Variants in DPYSL3 observed in about 807,000 individuals in gnomAD.
DPYSL3 encodes the protein dihydropyrimidinase like 3.
A neutral mutation model predicts 66.1 loss-of-function variants in DPYSL3; 16 were observed. The observed-to-expected ratio is 0.24, with a 90% CI of 0.16 to 0.37. The LOEUF (loss-of-function observed/expected upper bound fraction) is 0.37. Ranked by LOEUF, DPYSL3 falls within the 10% of genes least tolerant of loss-of-function variation. DPYSL3 has a pLI of 1.00. For missense variants in DPYSL3, 738 were observed against 916.2 expected (o/e 0.81, Z 2.51); for synonymous variants, 338 against 345.1 (o/e 0.98, Z 0.23).
chr5:147,500,624 A>AT (rs1296112469), intron 1 of DPYSL3, among the ~76,000 whole-genome samples: 1 of 152,032 alleles, frequency 6.6e-6, no homozygotes, highest in Non-Finnish European at 1.5e-5. Context: ...AAAAAAAAAA[A>AT]AAAAAACTCA....
intron 11 of DPYSL3, 41 bp downstream of exon 11, chr5:147,399,041 C>G (rs771159946): frequency 1.3e-6 from 2 of 1,598,426 alleles, no homozygotes; most frequent in Non-Finnish European, 1.7e-6. Flanking sequence ...TCCTTGCATG[C>G]ATTCTCCATT....
chr5:147,504,087 C>T (rs1447345270), intron 1 of DPYSL3, among the ~76,000 whole-genome samples: 3 of 152,224 alleles, frequency 2.0e-5, no homozygotes, highest in African/African-American at 7.2e-5. Context: ...CAGATTTCCT[C>T]TTCCTTGTAA....
At chr5:147,466,151 C>T (rs1753005202) in intron 1 of DPYSL3, among the ~76,000 whole-genome samples, 1 of 152,172 alleles carries the variant, frequency 6.6e-6, no homozygotes, top group South Asian at 2.1e-4. Context: ...AAAATATTGG[C>T]TGCCTGTTGA....
intron 1 of DPYSL3, among the ~76,000 whole-genome samples, chr5:147,451,659 A>G (rs1752730363): frequency 6.6e-6 from 1 of 152,220 alleles, no homozygotes; most frequent in Non-Finnish European, 1.5e-5. Flanking sequence ...TTCTCTGCCT[A>G]TCCCAAACAG....
At chr5:147,471,806 G>GTGAGAGA (rs1753089081) in intron 1 of DPYSL3, among the ~76,000 whole-genome samples, 1 of 152,118 alleles carries the variant, frequency 6.6e-6, no homozygotes, top group Admixed American at 6.5e-5. Flanking sequence ...TATAACAAGA[G>GTGAGAGA]CGTGAGAGAA....
At chr5:147,490,174 T>C (rs1296893411) in intron 1 of DPYSL3, among the ~76,000 whole-genome samples, 1 of 152,144 alleles carries the variant, frequency 6.6e-6, no homozygotes, top group Non-Finnish European at 1.5e-5. Flanking sequence ...AAGGCTCTCC[T>C]GATTTTGCAC....
At chr5:147,471,604 C>T (rs980511249) in intron 1 of DPYSL3, among the ~76,000 whole-genome samples, 4 of 152,076 alleles carry the variant, frequency 2.6e-5, no homozygotes, top group Admixed American at 6.6e-5. Context: ...ATAACCTAAA[C>T]GTGGTGCAAG....
intron 6 of DPYSL3, among the ~76,000 whole-genome samples, chr5:147,410,360 A>C (rs1399753252): frequency 6.6e-6 from 1 of 152,186 alleles, no homozygotes; most frequent in African/African-American, 2.4e-5. Flanking sequence ...GGAATTAGAA[A>C]AATTTGGTGA....
intron 1 of DPYSL3, among the ~76,000 whole-genome samples, chr5:147,448,236 T>C (rs115843512): frequency 2.6e-3 from 401 of 152,208 alleles, no homozygotes; most frequent in African/African-American, 8.1e-3. Context: ...TAGAAGGTGA[T>C]CAGGACTAAA....
At chr5:147,485,442 AT>A (rs1328809591) in intron 1 of DPYSL3, among the ~76,000 whole-genome samples, 1 of 152,198 alleles carries the variant, frequency 6.6e-6, no homozygotes, top group Non-Finnish European at 1.5e-5. Flanking sequence ...ATCATTTTTA[AT>A]GGCTCTAGAG....
intron 9 of DPYSL3, 59 bp from the exon 10 acceptor site, chr5:147,400,892 C>CTTAGAG (rs1581172825): frequency 6.3e-7 from 1 of 1,580,904 alleles, no homozygotes; most frequent in Non-Finnish European, 8.6e-7. Flanking sequence ...ACACTGGGAG[C>CTTAGAG]TTAGAGTCTT....
intron 8 of DPYSL3, 134 bp downstream of exon 8, chr5:147,405,476 G>A: frequency 1.6e-6 from 2 of 1,231,342 alleles, no homozygotes; most frequent in Non-Finnish European, 2.2e-6. Flanking sequence ...ATCCACACAG[G>A]ATGTGGAGAG....
chr5:147,466,916 C>CA (rs1360202662), intron 1 of DPYSL3, among the ~76,000 whole-genome samples: 1 of 152,140 alleles, frequency 6.6e-6, no homozygotes, highest in Non-Finnish European at 1.5e-5. Flanking sequence ...TTGCACCGAG[C>CA]AACTTATCCA....
At chr5:147,422,350 A>C (rs1165822370) in intron 2 of DPYSL3, among the ~76,000 whole-genome samples, 2 of 152,236 alleles carry the variant, frequency 1.3e-5, no homozygotes, top group Admixed American at 1.3e-4. Flanking sequence ...GTCAGGAAAC[A>C]ACAGATGCTG....
chr5:147,427,612 T>C (rs1323229132), intron 1 of DPYSL3, among the ~76,000 whole-genome samples: 1 of 152,140 alleles, frequency 6.6e-6, no homozygotes, highest in Non-Finnish European at 1.5e-5. Context: ...GAAAAATACA[T>C]ATTCCCAGGC....
At chr5:147,440,525 T>C (rs1439318061) in intron 1 of DPYSL3, among the ~76,000 whole-genome samples, 1 of 152,226 alleles carries the variant, frequency 6.6e-6, no homozygotes, top group Non-Finnish European at 1.5e-5. Flanking sequence ...TTCTCTCTGA[T>C]GGATCAGATG....
intron 1 of DPYSL3, among the ~76,000 whole-genome samples, chr5:147,505,653 A>G (rs945164696): frequency 2.0e-5 from 3 of 152,234 alleles, no homozygotes; most frequent in African/African-American, 7.2e-5. Flanking sequence ...GATACAAAGC[A>G]TATTTTGATT....
intron 1 of DPYSL3, among the ~76,000 whole-genome samples, chr5:147,505,017 G>A (rs1330967257): frequency 6.6e-6 from 1 of 152,204 alleles, no homozygotes; most frequent in Non-Finnish European, 1.5e-5. Context: ...TTTTCACTTA[G>A]AATTGCTTTT....
chr5:147,418,424 G>A (rs1752014290), intron 3 of DPYSL3, 23 bp downstream of exon 3: 1 of 1,579,604 alleles, frequency 6.3e-7, no homozygotes, highest in Non-Finnish European at 8.6e-7. Context: ...AGAAACAGGA[G>A]TGTGTAAAAT....
Sources: allele counts gnomAD v4.1 joint callset (sites outside exome capture counted in the v4.1 genomes callset), GRCh38; gene constraint gnomAD v4.1.1; transcripts MANE v1.5; gene names NCBI Gene and HGNC (gene_info 2026-07-23, HGNC 2026-07-21).